APBA1: variants seen among roughly 807,000 people sequenced by gnomAD.
The protein encoded by APBA1 is amyloid-beta A4 precursor protein-binding family A member 1.
APBA1 carries 55 observed loss-of-function variants against 86.6 expected under a neutral mutation model. That is an observed-to-expected ratio of 0.64 (90% CI 0.51 to 0.80). The LOEUF (loss-of-function observed/expected upper bound fraction) is 0.80, where lower values mean the gene tolerates loss of function less well. APBA1 is among the 30% of genes least tolerant of loss of function. APBA1 has a pLI of 0.00. For missense variants in APBA1, 1,090 were observed against 1,183.0 expected (o/e 0.92, Z 1.15); for synonymous variants, 511 against 493.9 (o/e 1.03, Z -0.46).
At chr9:69,638,739 T>A in intron 1 of APBA1, among the ~76,000 whole-genome samples, 1 of 152,312 alleles carries the variant, frequency 6.6e-6, no homozygotes, top group East Asian at 1.9e-4. Context: ...ATAAAGTTGG[T>A]GTCTGTCTAG....
At chr9:69,565,083 G>A (rs974658071) in intron 1 of APBA1, among the ~76,000 whole-genome samples, 1 of 152,190 alleles carries the variant, frequency 6.6e-6, no homozygotes, top group Non-Finnish European at 1.5e-5. Flanking sequence ...GCTAAGAGAA[G>A]AAAATGTTCT....
Position 69,652,245 on chromosome 9 carries a change from G to A in APBA1, c.-70+19908C>T, listed in dbSNP as rs562232392. On this transcript the variant is annotated intron_variant, in intron 1 of 12. Coordinates refer to ENST00000265381, the MANE Select transcript of APBA1 (RefSeq NM_001163.4). ...CAGCCTCAACAGACTAATATACCAGGTAAAGAAAGCTCCAAGAGAAACTTC... is the reference window on the plus strand; with the variant it reads ...CAGCCTCAACAGACTAATATACCAGATAAAGAAAGCTCCAAGAGAAACTTC... Among the ~76,000 whole-genome samples, 10 of 152,324 alleles carry A rather than the reference G, an allele frequency of 6.6e-5. No homozygotes were observed. The South Asian group carries it at 2.1e-3, about 32-fold the overall frequency.
chr9:69,503,329 C>T (rs1835906348), intron 2 of APBA1, among the ~76,000 whole-genome samples: 1 of 152,068 alleles, frequency 6.6e-6, no homozygotes, highest in African/African-American at 2.4e-5. Flanking sequence ...TTCCCTGTCC[C>T]TCCCATGCCA....
chr9:69,666,316 C>T (rs1823839066), intron 1 of APBA1, among the ~76,000 whole-genome samples: 1 of 152,096 alleles, frequency 6.6e-6, no homozygotes, highest in African/African-American at 2.4e-5. Flanking sequence ...ATCTGCAGGG[C>T]TCACTACTTC....
At position 69,454,814 on chromosome 9, in the gene APBA1, A is replaced by C. The variant is rs1835068193; in HGVS notation, c.1788+1433T>G. 2.0e-5 allele frequency among the ~76,000 whole-genome samples: 3 copies of C among 151,556 alleles called. No individual in the cohort carries two copies. The South Asian group carries it at 6.2e-4, about 31-fold the overall frequency. ...TTTTCGCTGGCCTGCAGGACACAGG[A>C]GGCTTAAAAGTCCAAATTTTCACTC... On this transcript the variant is annotated intron_variant, in intron 8 of 12. Transcript: ENST00000265381.
In APBA1 at chr9:69,431,054, C is replaced by T. The variant is rs1296121505; in HGVS notation, c.*273G>A. 3.7e-5 allele frequency: 13 copies of T among 346,818 alleles called. No individual in the cohort carries two copies. Among genetic ancestry groups the T allele is most frequent in the Admixed American group, 4.9e-5 (1 of 20,408 alleles). The allele number at this position is 346,818 out of a possible 1,614,324, so 21.5% of individuals were successfully genotyped here. ...CCACCCCCTGGACACACCCAGAAAG[C>T]CCTCCAGGATGGTCCTGGGTCAGTA... is the stretch of plus-strand genomic sequence containing the variant. On this transcript the variant is annotated 3_prime_UTR_variant, in exon 13 of 13. Transcript: ENST00000265381.
rs1208008131 is a variant in APBA1, at chr9:69,611,296, A to C, written c.-70+60857T>G. ...AGGGACCAGAAAAGGAAAAAAAAAA[A>C]AAAAAAAACAAAAAAAAAACCCAAA... On this transcript the variant is annotated intron_variant, in intron 1 of 12. Coordinates refer to ENST00000265381, the MANE Select transcript of APBA1 (RefSeq NM_001163.4). 1.5e-4 allele frequency among the ~76,000 whole-genome samples: 22 copies of C among 151,012 alleles called. No individual in the cohort carries two copies. In the East Asian group the frequency reaches 2.7e-3, roughly 19 times the overall value.
At chr9:69,521,647 T>C (rs553796230) in intron 1 of APBA1, among the ~76,000 whole-genome samples, 10 of 152,132 alleles carry the variant, frequency 6.6e-5, no homozygotes, top group African/African-American at 1.4e-4. Context: ...AGTAACGCCA[T>C]AGAAAATGAC....
intron 5 of APBA1, chr9:69,465,327 C>T (rs940942915): frequency 1.3e-5 from 2 of 152,184 alleles, no homozygotes; most frequent in Non-Finnish European, 1.5e-5. Flanking sequence ...CTAACAGCAC[C>T]ATTCACCTGG....
chr9:69,468,334 A>G (rs1422541304), intron 4 of APBA1, among the ~76,000 whole-genome samples: 1 of 152,254 alleles, frequency 6.6e-6, no homozygotes, highest in Non-Finnish European at 1.5e-5. Context: ...ACTGTCACCC[A>G]GGTGGTATCA....
rs1307291037 is a variant in APBA1, at chr9:69,476,161, G to A, written c.1201-18C>T. 2 of 1,582,394 alleles carry A rather than the reference G, an allele frequency of 1.3e-6. No homozygotes were observed. The highest frequency in any genetic ancestry group is 8.7e-7 in the Non-Finnish European group (1 of 1,154,604). On this transcript the variant is annotated intron_variant, in intron 2 of 12. Transcript: ENST00000265381. Reference sequence around the variant, plus strand: ...GACGGAGACTAGAACACAGCAAGAGGAAACACAGTGAGAACTTGAGAGACT... The same window carrying A: ...GACGGAGACTAGAACACAGCAAGAGAAAACACAGTGAGAACTTGAGAGACT...
At chr9:69,449,530 C>A in intron 10 of APBA1, 54 bp downstream of exon 10, 1 of 1,499,514 alleles carries the variant, frequency 6.7e-7, no homozygotes, top group South Asian at 1.2e-5. Context: ...GGGGGTCACA[C>A]TTCACATCAC....
chr9:69,517,347 T>A (rs955159183), intron 1 of APBA1, 68 bp from the exon 2 acceptor site: 14 of 1,322,756 alleles, frequency 1.1e-5, no homozygotes, highest in Non-Finnish European at 1.3e-5. Flanking sequence ...AGTATTCAGA[T>A]AACCATAAAA....
At chr9:69,555,397 C>A (rs932090754) in intron 1 of APBA1, among the ~76,000 whole-genome samples, 1 of 152,148 alleles carries the variant, frequency 6.6e-6, no homozygotes, top group East Asian at 1.9e-4. Context: ...GTCATTTGTC[C>A]TTTTTATAAG....
chr9:69,538,176 C>A (rs1433524510), intron 1 of APBA1, among the ~76,000 whole-genome samples: 2 of 152,184 alleles, frequency 1.3e-5, no homozygotes. Context: ...TTTCATCTGG[C>A]CACTTGCATG....
intron 1 of APBA1, among the ~76,000 whole-genome samples, chr9:69,592,753 AGG>A (rs1345551560): frequency 6.6e-6 from 1 of 152,140 alleles, no homozygotes; most frequent in Admixed American, 6.5e-5. Context: ...AAGTTTCCTG[AGG>A]CTTCCCCAGC....
intron 1 of APBA1, among the ~76,000 whole-genome samples, chr9:69,611,343 T>C (rs1462468590): frequency 6.8e-6 from 1 of 146,360 alleles, no homozygotes. Context: ...GCTTCCCTGC[T>C]CACACTGACT....
At chr9:69,539,225 G>A (rs1340633485) in intron 1 of APBA1, among the ~76,000 whole-genome samples, 1 of 152,162 alleles carries the variant, frequency 6.6e-6, no homozygotes. Flanking sequence ...TACAATGACA[G>A]CTCAAACTGT....
At chr9:69,522,069 A>ACACGCG (rs1491516929) in intron 1 of APBA1, among the ~76,000 whole-genome samples, 1 of 9,284 alleles carries the variant, frequency 1.1e-4, no homozygotes, top group Non-Finnish European at 2.8e-4. Context: ...ACCATTTTAT[A>ACACGCG]CACACACACA....
Sources: gnomAD v4.1 joint callset for allele counts (sites outside exome capture counted in the v4.1 genomes callset) on GRCh38, gnomAD v4.1.1 for gene constraint, MANE v1.5 for transcripts, NCBI Gene and HGNC (gene_info 2026-07-23, HGNC 2026-07-21) for gene names.